The following TRIM24 variants were observed in gnomAD, a reference collection of about 807,000 sequenced individuals.
The protein encoded by TRIM24 is transcription intermediary factor 1-alpha.
In TRIM24, 29 loss-of-function variants were observed where a neutral mutation model predicts 123.9. The observed-to-expected ratio is 0.23, with a 90% confidence interval of 0.17 to 0.32. The LOEUF is 0.32. Ranked by LOEUF, TRIM24 falls within the 10% of genes least tolerant of loss-of-function variation. The probability of loss-of-function intolerance (pLI) is 1.00; values close to 1 mark genes in which losing one functional copy is unlikely to be tolerated. For synonymous variants in TRIM24, 456 were observed against 461.1 expected (o/e 0.99, Z 0.14); for missense variants, 932 against 1,295.3 (o/e 0.72, Z 4.31).
rs1201727096 is a variant in TRIM24 at position 138,554,520 on chromosome 7, T to A, written c.1262-178T>A. 1.3e-5 allele frequency among the ~76,000 whole-genome samples: 2 copies of A among 152,228 alleles called. No homozygotes were observed. Among genetic ancestry groups the A allele is most frequent in the African/African-American group, 4.8e-5 (2 of 41,472 alleles). The stretch of plus-strand genomic sequence containing the variant: ...TAATTTCTAATATTATAAATGTTGA[T>A]GACTAGAAGTTAGATGAACAAAAGC... On this transcript the variant is annotated intron_variant, in intron 8 of 18. Coordinates refer to ENST00000343526, the MANE Select transcript of TRIM24 (RefSeq NM_015905.3). The surrounding 1 kb of genome is among the most constrained non-coding windows in gnomAD (Gnocchi z 4.5).
At chr7:138,493,152 C>T (rs1795831434) in intron 1 of TRIM24, among the ~76,000 whole-genome samples, 1 of 149,978 alleles carries the variant, frequency 6.7e-6, no homozygotes, top group Non-Finnish European at 1.5e-5. Flanking sequence ...TCCTTTAGCT[C>T]TTTGTGCATA....
chr7:138,498,508 G>T (rs751863602), intron 1 of TRIM24, among the ~76,000 whole-genome samples: 1 of 151,848 alleles, frequency 6.6e-6, no homozygotes, highest in Non-Finnish European at 1.5e-5. Flanking sequence ...TACAGGCATG[G>T]CCAGTGTGCC....
intron 9 of TRIM24, among the ~76,000 whole-genome samples, 161 bp from the exon 10 acceptor site, chr7:138,567,320 G>C (rs1028781765): frequency 6.6e-6 from 1 of 152,074 alleles, no homozygotes; most frequent in African/African-American, 2.4e-5. Context: ...AATTCTGAAA[G>C]TCTGCCCATC....
chr7:138,465,415 C>G (rs1400483519), intron 1 of TRIM24, among the ~76,000 whole-genome samples: 6 of 152,168 alleles, frequency 3.9e-5, no homozygotes, highest in Non-Finnish European at 8.8e-5. Context: ...GTGTTGTTAA[C>G]GTACTGTTCA....
At chr7:138,519,627 A>C (rs1796466369) in intron 4 of TRIM24, among the ~76,000 whole-genome samples, 1 of 152,204 alleles carries the variant, frequency 6.6e-6, no homozygotes, top group South Asian at 2.1e-4. Context: ...AGACATTGGC[A>C]ACGTCCTATG....
chr7:138,499,513 T>C (rs1795987326), intron 1 of TRIM24, among the ~76,000 whole-genome samples: 1 of 152,180 alleles, frequency 6.6e-6, no homozygotes, highest in African/African-American at 2.4e-5. Context: ...TGGTCTCTTG[T>C]CTGTGGATCG....
chr7:138,508,708 C>CCTGTGTGTGTGTGCGT (rs1554436688), intron 2 of TRIM24, among the ~76,000 whole-genome samples: 1 of 136,192 alleles, frequency 7.3e-6, no homozygotes, highest in Non-Finnish European at 1.6e-5. Context: ...CGCGTGTGTG[C>CCTGTGTGTGTGTGCGT]GTGTGTGTGT....
At chr7:138,548,354 G>A (rs2116625510) in intron 7 of TRIM24, among the ~76,000 whole-genome samples, 1 of 152,244 alleles carries the variant, frequency 6.6e-6, no homozygotes, top group East Asian at 1.9e-4. Flanking sequence ...ACACCATGGA[G>A]GTTGCAGTGA....
intron 1 of TRIM24, among the ~76,000 whole-genome samples, chr7:138,494,599 A>G (rs1795862787): frequency 6.6e-6 from 1 of 152,134 alleles, no homozygotes; most frequent in Non-Finnish European, 1.5e-5. Context: ...ATGGAACAAC[A>G]ACAAAAAGAA....
At chr7:138,564,448 C>G (rs1797493358) in intron 9 of TRIM24, among the ~76,000 whole-genome samples, 1 of 152,212 alleles carries the variant, frequency 6.6e-6, no homozygotes, top group African/African-American at 2.4e-5. Flanking sequence ...GAATTTCTAT[C>G]TCCTCTGGCA....
At chr7:138,524,942 A>G (rs1796577780) in intron 4 of TRIM24, among the ~76,000 whole-genome samples, 1 of 152,130 alleles carries the variant, frequency 6.6e-6, no homozygotes, top group Non-Finnish European at 1.5e-5. Context: ...CTGATTATGT[A>G]TAATTGACTA....
At chr7:138,502,951 A>G (rs1049820976) in intron 1 of TRIM24, among the ~76,000 whole-genome samples, 22 of 152,154 alleles carry the variant, frequency 1.4e-4, no homozygotes, top group Non-Finnish European at 2.5e-4. Flanking sequence ...AAGATCACAA[A>G]GATATTCTCT....
rs565687267 is a variant in TRIM24, at chr7:138,505,326, T to G, written c.483+918T>G. On this transcript the variant is annotated intron_variant, in intron 2 of 18. Transcript: ENST00000343526. ...CATTTCTTTGTACTTTTACTGTGTA[T>G]TGACAATGAGATTTTTATTTCAAGC... is the stretch of plus-strand genomic sequence containing the variant. 2.0e-5 allele frequency among the ~76,000 whole-genome samples: 3 copies of G among 152,336 alleles called. No homozygotes were observed. The East Asian group carries it at 5.8e-4, about 29-fold the overall frequency.
At position 138,529,248 on chromosome 7, in the gene TRIM24, G is replaced by A. The variant is rs1333789750; in HGVS notation, c.996+18G>A. 7.8e-7 allele frequency: 1 copy of A among 1,285,872 alleles called. No individual in the cohort carries two copies. The highest frequency in any genetic ancestry group is 1.1e-6 in the Non-Finnish European group (1 of 935,686). 79.7% of individuals were successfully genotyped at this position (1,285,872 alleles called of 1,614,324 possible). A position where few individuals can be genotyped will look rare whatever the true frequency, so the allele number is the denominator to read the frequency against. On this transcript the variant is annotated intron_variant, in intron 6 of 18. Transcript: ENST00000343526. ...AGTTAGAGGTAAGTGACTGCCCATG[G>A]GATAGTATATTGATTCAACATAGTA... is the stretch of plus-strand genomic sequence containing the variant.
intron 9 of TRIM24, among the ~76,000 whole-genome samples, chr7:138,555,363 G>A (rs1158692491): frequency 1.3e-5 from 2 of 152,026 alleles, no homozygotes; most frequent in Non-Finnish European, 2.9e-5. Flanking sequence ...TTGCATCTTA[G>A]AAATTAAGGC....
intron 1 of TRIM24, among the ~76,000 whole-genome samples, chr7:138,482,764 T>C (rs747268010): frequency 5.9e-5 from 9 of 152,172 alleles, no homozygotes; most frequent in Non-Finnish European, 1.3e-4. Flanking sequence ...TGGGGTTTTT[T>C]TTCCTTTTTA....
chr7:138,471,098 T>G (rs1488116052), intron 1 of TRIM24, among the ~76,000 whole-genome samples: 4 of 152,204 alleles, frequency 2.6e-5, no homozygotes, highest in African/African-American at 7.2e-5. Context: ...ATTAACAAGA[T>G]TACTCTTTGA....
At chr7:138,484,353 C>T (rs768363669) in intron 1 of TRIM24, among the ~76,000 whole-genome samples, 3 of 151,922 alleles carry the variant, frequency 2.0e-5, no homozygotes, top group African/African-American at 4.8e-5. Context: ...AGGTGATCCA[C>T]CCACCTAGGC....
intron 3 of TRIM24, 42 bp from the exon 4 acceptor site, chr7:138,519,147 T>C (rs761752487): frequency 6.2e-7 from 1 of 1,612,260 alleles, no homozygotes; most frequent in South Asian, 1.1e-5. Context: ...TACTATTCAA[T>C]TATGTTAATT....
Sources: allele counts gnomAD v4.1 joint callset (sites outside exome capture counted in the v4.1 genomes callset), GRCh38; gene constraint gnomAD v4.1.1; non-coding constraint Gnocchi (gnomAD v3.1); transcripts MANE v1.5; gene names NCBI Gene and HGNC (gene_info 2026-07-23, HGNC 2026-07-21).